TRHDE: variants seen among roughly 807,000 people sequenced by gnomAD.
TRHDE encodes thyrotropin-releasing hormone-degrading ectoenzyme.
TRHDE carries 72 observed loss-of-function variants against 125.7 expected under a neutral mutation model. That is an observed-to-expected ratio of 0.57 (90% CI 0.47 to 0.70). TRHDE has a LOEUF of 0.70. TRHDE is among the 30% of genes least tolerant of loss of function. The probability of loss-of-function intolerance (pLI) is 0.00; values close to 1 mark genes in which losing one functional copy is unlikely to be tolerated. For missense variants in TRHDE, 1,110 were observed against 1,327.1 expected (o/e 0.84, Z 2.54); for synonymous variants, 509 against 509.1 (o/e 1.00, Z 0.00).
At chr12:72,507,540 C>T (rs997158163) in intron 6 of TRHDE, among the ~76,000 whole-genome samples, 2 of 152,106 alleles carry the variant, frequency 1.3e-5, no homozygotes, top group East Asian at 3.9e-4. Context: ...CAAGATGTAG[C>T]CTGGCTGTTT....
At chr12:72,301,830 A>G (rs527499636) in intron 2 of TRHDE, among the ~76,000 whole-genome samples, 25 of 152,214 alleles carry the variant, frequency 1.6e-4, no homozygotes, top group Non-Finnish European at 1.5e-5. Context: ...GGTGGGGGAG[A>G]ATGAGCACAG....
At chr12:72,282,707 G>C (rs1222926117) in intron 1 of TRHDE, among the ~76,000 whole-genome samples, 1 of 152,194 alleles carries the variant, frequency 6.6e-6, no homozygotes, top group East Asian at 1.9e-4. Context: ...GCTACCTGTA[G>C]TCAACTCACT....
chr12:72,318,900 G>A (rs1258204104), intron 2 of TRHDE, among the ~76,000 whole-genome samples: 1 of 152,058 alleles, frequency 6.6e-6, no homozygotes, highest in East Asian at 1.9e-4. Flanking sequence ...CCATGAGAAA[G>A]GAATGGCAGA....
At chr12:72,139,509 G>A (rs986516297) in intron 2 of TRHDE, among the ~76,000 whole-genome samples, 1 of 152,092 alleles carries the variant, frequency 6.6e-6, no homozygotes, top group Non-Finnish European at 1.5e-5. Flanking sequence ...AATCCTCCTC[G>A]GTGTTCATGT....
intron 5 of TRHDE, among the ~76,000 whole-genome samples, chr12:72,496,478 C>T (rs1039331277): frequency 2.0e-5 from 3 of 152,108 alleles, no homozygotes; most frequent in Non-Finnish European, 4.4e-5. Context: ...ACCGTCAGAT[C>T]TCATGAGACT....
chr12:72,591,826 G>T (rs2136048303), intron 12 of TRHDE, among the ~76,000 whole-genome samples: 1 of 150,748 alleles, frequency 6.6e-6, no homozygotes, highest in South Asian at 2.1e-4. Flanking sequence ...ATGTCTTCTG[G>T]CCTCGATAGT....
At chr12:72,393,738 G>A (rs1285246951) in intron 3 of TRHDE, among the ~76,000 whole-genome samples, 2 of 152,180 alleles carry the variant, frequency 1.3e-5, no homozygotes, top group Non-Finnish European at 2.9e-5. Flanking sequence ...CTGTGTTATA[G>A]TTGACATTTT....
At chr12:72,206,330 C>A (rs1026817213) in intron 2 of TRHDE, among the ~76,000 whole-genome samples, 1 of 151,954 alleles carries the variant, frequency 6.6e-6, no homozygotes, top group Non-Finnish European at 1.5e-5. Context: ...TGACCTCAGG[C>A]GATCCGCCTG....
intron 12 of TRHDE, among the ~76,000 whole-genome samples, chr12:72,614,318 A>ATG (rs1592572964): frequency 3.4e-5 from 1 of 29,190 alleles, no homozygotes; most frequent in East Asian, 5.8e-4. Context: ...ATATGTATAT[A>ATG]TATATATATA....
In TRHDE at chr12:72,324,556, C is replaced by T. The variant is rs561072683; in HGVS notation, c.1188+37602C>T. 2.0e-5 allele frequency among the ~76,000 whole-genome samples: 3 copies of T among 152,190 alleles called. 1 individual carries two copies. The highest frequency in any genetic ancestry group is 7.2e-5 in the African/African-American group (3 of 41,536). ...CTTGGTAAAAGTGGTCCACAGGAGT[C>T]ATCAGAGCAAGGCTCGAGAGTTAGG... On this transcript the variant is annotated intron_variant, in intron 2 of 18. Transcript: ENST00000261180.
In TRHDE at chr12:72,318,711, A is replaced by G. The variant is rs553396247; in HGVS notation, c.1188+31757A>G. Among the ~76,000 whole-genome samples the G allele has an allele frequency of 4.2e-5, 6 of 142,604 alleles. No individual in the cohort carries two copies. The South Asian group carries it at 1.3e-3, about 30-fold the overall frequency. 93.6% of individuals were successfully genotyped at this position (142,604 alleles called of 152,430 possible). A position where few individuals can be genotyped will look rare whatever the true frequency, so the allele number is the denominator to read the frequency against. On this transcript the variant is annotated intron_variant, in intron 2 of 18. Transcript: ENST00000261180. The stretch of plus-strand genomic sequence containing the variant: ...ATGTCCCAGCTGAGTGATCTGTCAA[A>G]AGTTATTTTTTTTTGTGCCTTAATA...
At chr12:72,363,255 C>G (rs955539035) in intron 2 of TRHDE, among the ~76,000 whole-genome samples, 1 of 151,770 alleles carries the variant, frequency 6.6e-6, no homozygotes, top group African/African-American at 2.4e-5. Flanking sequence ...AGAGGGAATC[C>G]TCCCCAACTC....
At chr12:72,167,182 C>G (rs1029001893) in intron 2 of TRHDE, among the ~76,000 whole-genome samples, 36 of 152,028 alleles carry the variant, frequency 2.4e-4, no homozygotes, top group African/African-American at 8.0e-4. Context: ...TCCAGCCACT[C>G]CAGTGTTGGC....
At chr12:72,174,624 A>G (rs1164760858) in intron 2 of TRHDE, among the ~76,000 whole-genome samples, 1 of 152,182 alleles carries the variant, frequency 6.6e-6, no homozygotes, top group African/African-American at 2.4e-5. Context: ...TGGATAGCAC[A>G]GAGCAATTAT....
chr12:72,141,074 G>A (rs1474544129), intron 2 of TRHDE, among the ~76,000 whole-genome samples: 10 of 151,878 alleles, frequency 6.6e-5, no homozygotes, highest in Admixed American at 4.6e-4. Context: ...AAAAGTATTA[G>A]TACATCCCAT....
At chr12:72,221,697 C>G (rs1042045852) in intron 2 of TRHDE, among the ~76,000 whole-genome samples, 1 of 151,966 alleles carries the variant, frequency 6.6e-6, no homozygotes, top group Non-Finnish European at 1.5e-5. Flanking sequence ...TGGAATATTT[C>G]ATATATGACA....
chr12:72,494,664 CTT>C, intron 5 of TRHDE, among the ~76,000 whole-genome samples: 1 of 152,142 alleles, frequency 6.6e-6, no homozygotes, highest in East Asian at 1.9e-4. Context: ...ACTCCTCAGA[CTT>C]TGACATGTTC....
rs1403673539 is a variant in TRHDE at position 72,664,752 on chromosome 12, G to A, written c.*1557G>A. 5.9e-5 allele frequency: 9 copies of A among 151,948 alleles called. No individual in the cohort carries two copies. Among genetic ancestry groups the A allele is most frequent in the African/African-American group, 1.9e-4 (8 of 41,382 alleles). The allele number at this position is 151,948 out of a possible 1,614,324, so 9.4% of individuals were successfully genotyped here. A position where few individuals can be genotyped will look rare whatever the true frequency, so the allele number is the denominator to read the frequency against. On this transcript the variant is annotated 3_prime_UTR_variant, in exon 19 of 19. Coordinates refer to ENST00000261180, the MANE Select transcript of TRHDE (RefSeq NM_013381.3). ...TCATTGAAAGAAATATATTCTAACA[G>A]TACGCACTGAATAGTGAAAATAATT...
At chr12:72,088,659 A>T (rs1053458431) in intron 1 of TRHDE, among the ~76,000 whole-genome samples, 1 of 152,058 alleles carries the variant, frequency 6.6e-6, no homozygotes, top group Non-Finnish European at 1.5e-5. Context: ...ATAGGGATTA[A>T]ATGCTTCACA....
Sources: gnomAD v4.1 joint callset for allele counts (sites outside exome capture counted in the v4.1 genomes callset) on GRCh38, gnomAD v4.1.1 for gene constraint, MANE v1.5 for transcripts, NCBI Gene and HGNC (gene_info 2026-07-23, HGNC 2026-07-21) for gene names.